MAN2A1: variants seen among roughly 807,000 people sequenced by gnomAD.
MAN2A1 encodes mannosidase alpha class 2A member 1.
MAN2A1 carries 76 observed loss-of-function variants against 142.6 expected under a neutral mutation model. That is an observed-to-expected ratio of 0.53 (90% CI 0.44 to 0.65). The LOEUF is 0.65. Among genes scored for constraint, MAN2A1 ranks in the 30% least tolerant of loss-of-function variants. The pLI is 0.00. For missense variants in MAN2A1, 1,311 were observed against 1,365.1 expected (o/e 0.96, Z 0.62); for synonymous variants, 559 against 473.2 (o/e 1.18, Z -2.35).
intron 17 of MAN2A1, among the ~76,000 whole-genome samples, chr5:109,844,542 G>A (rs555171846): frequency 1.3e-5 from 2 of 151,854 alleles, no homozygotes; most frequent in Non-Finnish European, 2.9e-5. Context: ...TCCCAAGGCT[G>A]CCATACAAAT....
At chr5:109,704,459 A>T (rs146762130) in intron 1 of MAN2A1, among the ~76,000 whole-genome samples, 5 of 152,320 alleles carry the variant, frequency 3.3e-5, no homozygotes, top group African/African-American at 1.2e-4. Context: ...CTGAGTCTGG[A>T]AAATACCATT....
chr5:109,740,486 T>C (rs1364140079), intron 4 of MAN2A1, among the ~76,000 whole-genome samples: 1 of 151,916 alleles, frequency 6.6e-6, no homozygotes, highest in Non-Finnish European at 1.5e-5. Context: ...GGAAACTGGG[T>C]CTGCTGCTGG....
intron 9 of MAN2A1, among the ~76,000 whole-genome samples, chr5:109,783,440 A>T (rs1753513512): frequency 6.6e-6 from 1 of 152,160 alleles, no homozygotes; most frequent in African/African-American, 2.4e-5. Context: ...AACCAGGAAT[A>T]TTTGCCATGG....
At chr5:109,766,689 G>A (rs1031299408) in intron 5 of MAN2A1, among the ~76,000 whole-genome samples, 2 of 151,530 alleles carry the variant, frequency 1.3e-5, no homozygotes, top group Non-Finnish European at 2.9e-5. Flanking sequence ...AAAGGTGTTT[G>A]AATGAAAAAA....
intron 12 of MAN2A1, among the ~76,000 whole-genome samples, chr5:109,801,407 T>C (rs910801892): frequency 5.9e-5 from 9 of 152,236 alleles, no homozygotes; most frequent in Non-Finnish European, 1.3e-4. Context: ...TTACATGTCA[T>C]TGTCCAGAAC....
rs117072215 is a variant in MAN2A1, at chr5:109,836,631, C to T, written c.2567-5697C>T. Among the ~76,000 whole-genome samples, 155 of 152,224 alleles carry T rather than the reference C, an allele frequency of 1.0e-3. 1 individual carries two copies. In the East Asian group the frequency reaches 0.011, roughly 11 times the overall value. ...GTTCTGTCCTCCCAAAGCTGTGATACGGCTCAGCCTCCTGACGGTGACCTA... is the reference window on the plus strand; with the variant it reads ...GTTCTGTCCTCCCAAAGCTGTGATATGGCTCAGCCTCCTGACGGTGACCTA... On this transcript the variant is annotated intron_variant, in intron 16 of 21. Coordinates refer to ENST00000261483, the MANE Select transcript of MAN2A1 (RefSeq NM_002372.4).
At chr5:109,817,245 C>T (rs1467327419) in intron 12 of MAN2A1, 28 bp from the exon 13 acceptor site, 1 of 1,602,944 alleles carries the variant, frequency 6.2e-7, no homozygotes, top group Non-Finnish European at 8.5e-7. Context: ...ATTTTGAGAT[C>T]CCAATAATGA....
At chr5:109,774,699 T>C (rs1346199022) in intron 7 of MAN2A1, 89 bp from the exon 8 acceptor site, 3 of 902,204 alleles carry the variant, frequency 3.3e-6, no homozygotes, top group Non-Finnish European at 5.1e-6. Context: ...CTTTTGAATT[T>C]GGTTATTTCC....
intron 4 of MAN2A1, among the ~76,000 whole-genome samples, chr5:109,746,399 G>A (rs747671663): frequency 2.0e-5 from 3 of 152,164 alleles, no homozygotes; most frequent in Non-Finnish European, 2.9e-5. Flanking sequence ...ACAATGAAAA[G>A]TAAGGTACTC....
intron 6 of MAN2A1, among the ~76,000 whole-genome samples, 199 bp from the exon 7 acceptor site, chr5:109,770,156 G>A (rs1437704920): frequency 6.6e-6 from 1 of 152,178 alleles, no homozygotes; most frequent in East Asian, 1.9e-4. Flanking sequence ...GGTAGATAGA[G>A]ACTGAGATGT....
chr5:109,765,159 G>A (rs527332595), intron 5 of MAN2A1, among the ~76,000 whole-genome samples: 3 of 152,156 alleles, frequency 2.0e-5, no homozygotes, highest in South Asian at 2.1e-4. Flanking sequence ...TATAAAAGCC[G>A]CTTTTCCCCC....
chr5:109,706,507 C>A (rs899957491), intron 1 of MAN2A1, among the ~76,000 whole-genome samples: 3 of 152,192 alleles, frequency 2.0e-5, no homozygotes, highest in Non-Finnish European at 2.9e-5. Flanking sequence ...GATTAAGTTA[C>A]TTCCCCAAGA....
At chr5:109,706,536 C>T (rs575311166) in intron 1 of MAN2A1, among the ~76,000 whole-genome samples, 8 of 152,116 alleles carry the variant, frequency 5.3e-5, no homozygotes, top group African/African-American at 1.2e-4. Flanking sequence ...CCAATAAGTG[C>T]GGAAACTAGT....
intron 10 of MAN2A1, 114 bp downstream of exon 10, chr5:109,785,040 C>T (rs917092288): frequency 1.5e-6 from 1 of 680,810 alleles, no homozygotes; most frequent in African/African-American, 1.8e-5. Context: ...ACAATGATAT[C>T]CCTCATAAGT....
At chr5:109,723,981 G>A (rs974475678) in intron 3 of MAN2A1, among the ~76,000 whole-genome samples, 2 of 152,074 alleles carry the variant, frequency 1.3e-5, no homozygotes, top group Admixed American at 6.5e-5. Flanking sequence ...TAGATGCAAG[G>A]TACATGTTTG....
intron 1 of MAN2A1, among the ~76,000 whole-genome samples, chr5:109,697,999 G>A (rs571935357): frequency 6.6e-6 from 1 of 152,304 alleles, no homozygotes; most frequent in Non-Finnish European, 1.5e-5. Context: ...TCACCTGAAG[G>A]TTTTGCACTG....
intron 16 of MAN2A1, among the ~76,000 whole-genome samples, chr5:109,825,468 T>G (rs1395212958): frequency 6.6e-6 from 1 of 152,240 alleles, no homozygotes; most frequent in African/African-American, 2.4e-5. Flanking sequence ...TATATTTGCA[T>G]AATTGCTTTT....
intron 4 of MAN2A1, 131 bp from the exon 5 acceptor site, chr5:109,755,198 C>T: frequency 1.5e-6 from 1 of 674,012 alleles, no homozygotes; most frequent in East Asian, 2.8e-5. Flanking sequence ...CTGGTTTAAA[C>T]ACATTTTTTG....
At chr5:109,752,025 A>G (rs1238715848) in intron 4 of MAN2A1, among the ~76,000 whole-genome samples, 1 of 152,188 alleles carries the variant, frequency 6.6e-6, no homozygotes, top group East Asian at 1.9e-4. Context: ...GCATTACTAC[A>G]AAGTGACTTC....
Sources: gnomAD v4.1 joint callset for allele counts (sites outside exome capture counted in the v4.1 genomes callset) on GRCh38, gnomAD v4.1.1 for gene constraint, MANE v1.5 for transcripts, NCBI Gene and HGNC (gene_info 2026-07-23, HGNC 2026-07-21) for gene names.